The following ZCCHC7 variants were observed in gnomAD, a reference collection of about 807,000 sequenced individuals.
The protein encoded by ZCCHC7 is zinc finger CCHC domain-containing protein 7.
Under a neutral mutation model 52.0 loss-of-function variants are expected in ZCCHC7, and 35 were observed. That is an observed-to-expected ratio of 0.67 (90% CI 0.51 to 0.89). The LOEUF (loss-of-function observed/expected upper bound fraction) is 0.89. ZCCHC7 is among the 40% of genes least tolerant of loss of function. The pLI is 0.00. For missense variants in ZCCHC7, 574 were observed against 649.1 expected, an observed-to-expected ratio of 0.88 and a Z score of 1.26; for synonymous variants, 217 against 221.5, an observed-to-expected ratio of 0.98 and a Z score of 0.18.
rs948726025 is a variant in ZCCHC7 at position 37,243,196 on chromosome 9, G to A, written c.611-58992G>A. ...AATTAATACAGCTTTTAAAGGAATC[G>A]ATGGATAAGCCATTTGAAATTTATA... On this transcript the variant is annotated intron_variant, in intron 2 of 8. Transcript: ENST00000336755. 2.1e-4 allele frequency among the ~76,000 whole-genome samples: 32 copies of A among 151,872 alleles called. 1 individual carries two copies. The highest frequency in any genetic ancestry group is 6.5e-4 in the African/African-American group (27 of 41,500).
At chr9:37,311,057 A>G (rs189490856) in intron 5 of ZCCHC7, among the ~76,000 whole-genome samples, 1 of 152,234 alleles carries the variant, frequency 6.6e-6, no homozygotes, top group Admixed American at 6.5e-5. Context: ...TCAGCACTTT[A>G]AAAAACCCCT....
chr9:37,345,457 G>T (rs1820898797), intron 6 of ZCCHC7, among the ~76,000 whole-genome samples: 1 of 152,236 alleles, frequency 6.6e-6, no homozygotes, highest in Admixed American at 6.5e-5. Flanking sequence ...GCTGGGTGTG[G>T]TGGCTCATGC....
At chr9:37,291,030 A>G (rs987360100) in intron 2 of ZCCHC7, among the ~76,000 whole-genome samples, 1 of 152,260 alleles carries the variant, frequency 6.6e-6, no homozygotes, top group Non-Finnish European at 1.5e-5. Flanking sequence ...TGTGCTGCCT[A>G]AAGTATTGCA....
At chr9:37,345,097 C>T (rs1158700520) in intron 6 of ZCCHC7, among the ~76,000 whole-genome samples, 5 of 152,216 alleles carry the variant, frequency 3.3e-5, no homozygotes, top group Admixed American at 2.6e-4. Flanking sequence ...AAAGAAACTA[C>T]TCACAATAGT....
At chr9:37,160,629 A>G (rs1040080750) in intron 2 of ZCCHC7, among the ~76,000 whole-genome samples, 5 of 152,110 alleles carry the variant, frequency 3.3e-5, no homozygotes, top group African/African-American at 7.2e-5. Flanking sequence ...GCTCACGCCT[A>G]TAATCCCAGC....
intron 2 of ZCCHC7, among the ~76,000 whole-genome samples, chr9:37,257,700 C>G (rs868358561): frequency 6.6e-6 from 1 of 151,620 alleles, no homozygotes; most frequent in Non-Finnish European, 1.5e-5. Flanking sequence ...CTTTGAGGCT[C>G]TCAATTTTTA....
At chr9:37,149,759 A>G (rs773380969) in intron 2 of ZCCHC7, among the ~76,000 whole-genome samples, 2 of 152,158 alleles carry the variant, frequency 1.3e-5, no homozygotes, top group South Asian at 2.1e-4. Flanking sequence ...GCCTTTATAT[A>G]AAAGTCTATG....
intron 2 of ZCCHC7, among the ~76,000 whole-genome samples, chr9:37,214,930 T>C (rs1368423938): frequency 6.6e-6 from 1 of 152,088 alleles, no homozygotes; most frequent in Non-Finnish European, 1.5e-5. Context: ...TCTGATGTAA[T>C]CTTATAAATC....
chr9:37,291,116 G>A (rs930612100), intron 2 of ZCCHC7, among the ~76,000 whole-genome samples: 2 of 152,156 alleles, frequency 1.3e-5, no homozygotes, highest in African/African-American at 4.8e-5. Context: ...CATTGAACAA[G>A]GCTGAGAATT....
At chr9:37,136,176 T>G (rs1216415920) in intron 2 of ZCCHC7, among the ~76,000 whole-genome samples, 1 of 152,194 alleles carries the variant, frequency 6.6e-6, no homozygotes, top group Non-Finnish European at 1.5e-5. Flanking sequence ...AATTAGTGGT[T>G]GTTATTGGGT....
chr9:37,292,141 T>C (rs1018610866), intron 2 of ZCCHC7, among the ~76,000 whole-genome samples: 1 of 152,256 alleles, frequency 6.6e-6, no homozygotes, highest in Non-Finnish European at 1.5e-5. Context: ...TGGAATAATA[T>C]GCGTTTGCTG....
At chr9:37,288,624 C>T (rs1828378915) in intron 2 of ZCCHC7, among the ~76,000 whole-genome samples, 1 of 152,132 alleles carries the variant, frequency 6.6e-6, no homozygotes, top group Non-Finnish European at 1.5e-5. Flanking sequence ...ATCCAAACTT[C>T]TCTTAATAGG....
At chr9:37,208,201 C>T (rs1274969007) in intron 2 of ZCCHC7, among the ~76,000 whole-genome samples, 2 of 152,170 alleles carry the variant, frequency 1.3e-5, no homozygotes, top group African/African-American at 4.8e-5. Flanking sequence ...CCTCCCACCT[C>T]ATCCCCTCGA....
At chr9:37,291,265 A>G (rs1828523178) in intron 2 of ZCCHC7, among the ~76,000 whole-genome samples, 1 of 152,210 alleles carries the variant, frequency 6.6e-6, no homozygotes, top group Non-Finnish European at 1.5e-5. Flanking sequence ...AATGAACTTC[A>G]TCTTTTAAGT....
In ZCCHC7 at chr9:37,213,994, T is replaced by A. The variant is rs563469184; in HGVS notation, c.610+87052T>A. On this transcript the variant is annotated intron_variant, in intron 2 of 8. Transcript: ENST00000336755. ...AATATTTGGTATGAGATTCGCTCAA[T>A]GGTGTGTATGTGTGTGTGTGTGTGT... 2.6e-5 allele frequency among the ~76,000 whole-genome samples: 4 copies of A among 151,844 alleles called. No individual in the cohort carries two copies. In the South Asian group the frequency reaches 8.3e-4, roughly 31 times the overall value.
At chr9:37,167,259 CT>C (rs1285714723) in intron 2 of ZCCHC7, among the ~76,000 whole-genome samples, 106 of 140,742 alleles carry the variant, frequency 7.5e-4, no homozygotes, top group South Asian at 8.9e-4. Context: ...TGTAGCTTTC[CT>C]TTTTTTTTTT....
At chr9:37,141,633 A>T (rs1321653133) in intron 2 of ZCCHC7, among the ~76,000 whole-genome samples, 1 of 151,956 alleles carries the variant, frequency 6.6e-6, no homozygotes, top group African/African-American at 2.4e-5. Context: ...ATACTAATTA[A>T]CAGTAAGTGG....
intron 5 of ZCCHC7, among the ~76,000 whole-genome samples, chr9:37,315,609 G>A (rs144623977): frequency 2.0e-5 from 3 of 151,520 alleles, no homozygotes; most frequent in African/African-American, 7.3e-5. Context: ...TAATCATTAC[G>A]GTGAGGTAGT....
At chr9:37,276,033 C>T (rs958404421) in intron 2 of ZCCHC7, among the ~76,000 whole-genome samples, 1 of 152,152 alleles carries the variant, frequency 6.6e-6, no homozygotes. Context: ...TGCATCCTTG[C>T]GAACACATGA....
Sources: gnomAD v4.1 joint callset for allele counts (sites outside exome capture counted in the v4.1 genomes callset) on GRCh38, gnomAD v4.1.1 for gene constraint, MANE v1.5 for transcripts, NCBI Gene and HGNC (gene_info 2026-07-23, HGNC 2026-07-21) for gene names.